The following FNTA variants were observed in gnomAD, a reference collection of about 807,000 sequenced individuals.
FNTA encodes farnesyltransferase, CAAX box, subunit alpha.
In FNTA, 27 loss-of-function variants were observed where a neutral mutation model predicts 55.2. The ratio of observed to expected loss-of-function variants is 0.49; its 90% CI spans 0.36 to 0.67. The LOEUF (loss-of-function observed/expected upper bound fraction) is 0.67. Among genes scored for constraint, FNTA ranks in the 30% least tolerant of loss-of-function variants. FNTA has a pLI of 0.00. For synonymous variants in FNTA, 176 were observed against 170.7 expected, an observed-to-expected ratio of 1.03 and a Z score of -0.24; for missense variants, 422 against 464.7, an observed-to-expected ratio of 0.91 and a Z score of 0.85.
intron 4 of FNTA, among the ~76,000 whole-genome samples, chr8:43,071,788 A>G (rs1810798909): frequency 6.6e-6 from 1 of 151,832 alleles, no homozygotes; most frequent in South Asian, 2.1e-4. Context: ...AGTTCTGCCC[A>G]CTCATTTGTA....
At chr8:43,073,210 C>G (rs1440750061) in intron 5 of FNTA, among the ~76,000 whole-genome samples, 1 of 152,120 alleles carries the variant, frequency 6.6e-6, no homozygotes, top group Non-Finnish European at 1.5e-5. Context: ...ATAACATATT[C>G]TAAAGGTATT....
At chr8:43,084,572 T>G in intron 7 of FNTA, 138 bp from the exon 8 acceptor site, 2 of 650,424 alleles carry the variant, frequency 3.1e-6, no homozygotes, top group Admixed American at 6.3e-5. Context: ...AAAAGTTTCA[T>G]TATAGTTTCA....
rs965185730 is a variant in FNTA at position 43,084,217 on chromosome 8, C to CTTTTTT, written c.846-479_846-474dup. Among the ~76,000 whole-genome samples the CTTTTTT allele has an allele frequency of 3.2e-3, 417 of 131,506 alleles. 5 individuals are homozygous for CTTTTTT. The highest frequency in any genetic ancestry group is 0.012 in the African/African-American group (405 of 34,558). 86.3% of individuals were successfully genotyped at this position (131,506 alleles called of 152,430 possible). On this transcript the variant is annotated intron_variant, in intron 7 of 8. Coordinates refer to ENST00000302279, the MANE Select transcript of FNTA (RefSeq NM_002027.3). ...TTTTTCTACTTAGCTTGTAATTATC[C>CTTTTTT]TTTTTTTTTTTTTTTTTTTGGAGAC...
chr8:43,083,167 A>G lies in FNTA; in HGVS notation c.832A>G (p.Asn278Asp). 1 of 1,586,410 alleles carries G rather than the reference A, an allele frequency of 6.3e-7. No homozygotes were observed. Among genetic ancestry groups the G allele is most frequent in the Non-Finnish European group, 8.6e-7 (1 of 1,168,908 alleles). Residue 278 changes from asparagine to aspartate, a missense_variant, in exon 7 of 9, where the codon AAC becomes GAC. Physicochemically the swap from Asn to Asp is conservative, Grantham distance 23. Coordinates refer to ENST00000302279, the MANE Select transcript of FNTA (RefSeq NM_002027.3). The stretch of plus-strand genomic sequence containing the variant: ...AGTACCACATAATGAAAGTGCATGG[A>G]ACTATTTGAAAGGGTAAGAGGTTGT... ...KLVPHNESAWNYLKGILQDRG... is the reference protein window; with the variant it reads ...KLVPHNESAWDYLKGILQDRG...
chr8:43,066,831 C>G (rs1810672318), intron 3 of FNTA, among the ~76,000 whole-genome samples: 1 of 152,102 alleles, frequency 6.6e-6, no homozygotes. Flanking sequence ...TGAAATCTCA[C>G]TAGTCAGTAT....
intron 1 of FNTA, 83 bp downstream of exon 1, chr8:43,056,629 C>G (rs905686780): frequency 1.0e-6 from 1 of 958,612 alleles, no homozygotes; most frequent in Non-Finnish European, 1.4e-6. Flanking sequence ...GCTTCCGGCC[C>G]CGGCGCGCCA....
intron 2 of FNTA, among the ~76,000 whole-genome samples, chr8:43,062,178 TGTG>T (rs1810549275): frequency 5.6e-5 from 1 of 17,762 alleles, no homozygotes; most frequent in Non-Finnish European, 3.4e-4. Context: ...GTTTTATGTG[TGTG>T]TGTGTGTGTG....
intron 2 of FNTA, chr8:43,063,203 C>T: frequency 1.3e-5 from 6 of 453,178 alleles, no homozygotes; most frequent in South Asian, 9.3e-5. Flanking sequence ...ACCTCTGCCT[C>T]CCGAGTAGCT....
At chr8:43,074,087 A>G (rs540611549) in intron 5 of FNTA, among the ~76,000 whole-genome samples, 37 of 152,302 alleles carry the variant, frequency 2.4e-4, no homozygotes, top group Non-Finnish European at 3.7e-4. Flanking sequence ...CATGGCCTGT[A>G]TGTCATTGGC....
At chr8:43,070,237 G>A (rs1341705467) in intron 4 of FNTA, 2 of 151,998 alleles carry the variant, frequency 1.3e-5, no homozygotes, top group Non-Finnish European at 2.9e-5. Context: ...GAACCTGGGA[G>A]GTGGAGGTTT....
chr8:43,078,870 G>A (rs1810966136), intron 6 of FNTA: 1 of 152,284 alleles, frequency 6.6e-6, no homozygotes, highest in Non-Finnish European at 1.5e-5. Context: ...GAAATTAAAA[G>A]TGCTGCTCCA....
In FNTA at chr8:43,083,480, C is replaced by T. The variant is rs371388198; in HGVS notation, c.845+300C>T. On this transcript the variant is annotated intron_variant, in intron 7 of 8. Coordinates refer to ENST00000302279, the MANE Select transcript of FNTA (RefSeq NM_002027.3). ...AGAATGGAACACACACACCCCCAGG[C>T]TCTAGTTGGCTCAGGAACACAGTAA... 2.0e-5 allele frequency among the ~76,000 whole-genome samples: 3 copies of T among 152,202 alleles called. No individual in the cohort carries two copies. The East Asian group carries it at 5.8e-4, about 29-fold the overall frequency.
chr8:43,057,944 G>A (rs1810448473), intron 1 of FNTA, among the ~76,000 whole-genome samples: 2 of 145,522 alleles, frequency 1.4e-5, no homozygotes, highest in South Asian at 4.3e-4. Flanking sequence ...GGACAAGAGC[G>A]TGACTCCATC....
intron 1 of FNTA, among the ~76,000 whole-genome samples, chr8:43,058,002 G>A (rs1448223963): frequency 6.6e-6 from 1 of 151,766 alleles, no homozygotes; most frequent in African/African-American, 2.4e-5. Flanking sequence ...AAGTGAAAGT[G>A]TTTAAGAGAA....
chr8:43,072,137 T>C, intron 4 of FNTA, 44 bp from the exon 5 acceptor site: 1 of 1,402,804 alleles, frequency 7.1e-7, no homozygotes, highest in South Asian at 1.7e-5. Context: ...TTTTAGTTCA[T>C]GGGTAAATTA....
At chr8:43,077,981 A>G (rs1174614520) in intron 6 of FNTA, 1 of 152,200 alleles carries the variant, frequency 6.6e-6, no homozygotes, top group Non-Finnish European at 1.5e-5. Context: ...TTACAATTTG[A>G]ACAGGCTTGT....
At position 43,058,898 on chromosome 8, in the gene FNTA, A is replaced by G. The variant is rs148507496; in HGVS notation, c.201-194A>G. On this transcript the variant is annotated intron_variant, in intron 1 of 8. Coordinates refer to ENST00000302279, the MANE Select transcript of FNTA (RefSeq NM_002027.3). ...CAGCATCTGAGGGTTATTTGTTTTA[A>G]TTTTACTTTAATAGTTTAATGTGTA... 1.6e-3 allele frequency: 658 copies of G among 412,482 alleles called. 3 individuals carry two copies. Among genetic ancestry groups the G allele is most frequent in the African/African-American group, 0.012 (597 of 48,824 alleles). 25.6% of individuals were successfully genotyped at this position (412,482 alleles called of 1,614,324 possible).
intron 5 of FNTA, among the ~76,000 whole-genome samples, chr8:43,073,319 CAT>C (rs2130561029): frequency 6.6e-6 from 1 of 152,300 alleles, no homozygotes; most frequent in Admixed American, 6.5e-5. Context: ...AGACATAAAA[CAT>C]AACCAGTATT....
rs938540159 is a variant in FNTA at position 43,056,630 on chromosome 8, C to T, written c.200+84C>T. The T allele has an allele frequency of 5.6e-5, 53 of 953,654 alleles. No homozygotes were observed. The African/African-American group carries it at 8.2e-4, about 15-fold the overall frequency. The allele number at this position is 953,654 out of a possible 1,614,324, so 59.1% of individuals were successfully genotyped here. ...GACCCGCGGCGCGCGCTTCCGGCCC[C>T]GGCGCGCCAGGCCGAAGTTCCCGTG... On this transcript the variant is annotated intron_variant, in intron 1 of 8. Coordinates refer to ENST00000302279, the MANE Select transcript of FNTA (RefSeq NM_002027.3).
Sources: allele counts gnomAD v4.1 joint callset (sites outside exome capture counted in the v4.1 genomes callset), GRCh38; gene constraint gnomAD v4.1.1; transcripts MANE v1.5; gene names NCBI Gene and HGNC (gene_info 2026-07-23, HGNC 2026-07-21).